The following C21orf91 variants were observed in gnomAD, a reference collection of about 807,000 sequenced individuals.
The protein encoded by C21orf91 is chromosome 21 open reading frame 91, also known as protein EURL homolog.
C21orf91 carries 26 observed loss-of-function variants against 32.9 expected under a neutral mutation model. The ratio of observed to expected loss-of-function variants is 0.79; its 90% CI spans 0.58 to 1.10. The LOEUF (loss-of-function observed/expected upper bound fraction) is 1.10. Among genes scored for constraint, C21orf91 ranks in the 50% least tolerant of loss-of-function variants. C21orf91 has a pLI of 0.00. For missense variants in C21orf91, 310 were observed against 341.3 expected, an observed-to-expected ratio of 0.91 and a Z score of 0.72; for synonymous variants, 126 against 120.4, an observed-to-expected ratio of 1.05 and a Z score of -0.31.
In C21orf91 at chr21:17,793,235, G is replaced by T; in HGVS notation, c.*180C>A. The T allele has an allele frequency of 2.4e-6, 1 of 421,356 alleles. No individual in the cohort carries two copies. 26.1% of individuals were successfully genotyped at this position (421,356 alleles called of 1,614,324 possible). Reference sequence around the variant, plus strand: ...GTCCCCAAATGAGCCAAAATGATTAGCCCTAGAAGACTAGAGTATAATGAT... The same window carrying T: ...GTCCCCAAATGAGCCAAAATGATTATCCCTAGAAGACTAGAGTATAATGAT... On this transcript the variant is annotated 3_prime_UTR_variant, in exon 5 of 5. Transcript: ENST00000284881.
At chr21:17,795,505 C>T (rs995083884) in intron 3 of C21orf91, among the ~76,000 whole-genome samples, 1 of 152,196 alleles carries the variant, frequency 6.6e-6, no homozygotes, top group Non-Finnish European at 1.5e-5. Flanking sequence ...GACAGGGTCT[C>T]ACTTTGTCAC....
In C21orf91 at chr21:17,789,660, A is replaced by G. The variant is rs1044532114; in HGVS notation, c.*3755T>C. On this transcript the variant is annotated 3_prime_UTR_variant, in exon 5 of 5. Coordinates refer to ENST00000284881, the MANE Select transcript of C21orf91 (RefSeq NM_001100420.2). ...TCATATCAATGTTACCATAGCCAGA[A>G]GTTGCTTAATAGGTTAGACTGCACC... The G allele has an allele frequency of 2.0e-5, 3 of 152,166 alleles. No individual in the cohort carries two copies. Among genetic ancestry groups the G allele is most frequent in the African/African-American group, 7.2e-5 (3 of 41,450 alleles). 9.4% of individuals were successfully genotyped at this position (152,166 alleles called of 1,614,324 possible).
intron 3 of C21orf91, 67 bp downstream of exon 3, chr21:17,796,515 C>T (rs2062518998): frequency 8.5e-7 from 1 of 1,179,274 alleles, no homozygotes. Context: ...TGACCCATTA[C>T]ACATCTATAC....
At chr21:17,799,491 G>T (rs117934839) in intron 2 of C21orf91, among the ~76,000 whole-genome samples, 39 of 152,076 alleles carry the variant, frequency 2.6e-4, no homozygotes, top group Non-Finnish European at 4.9e-4. Context: ...TTCACTCCCC[G>T]CAATCCCAGA....
chr21:17,797,217 G>A lies in C21orf91; in HGVS notation c.128-99C>T, dbSNP rs572586117. The A allele has an allele frequency of 1.3e-5, 9 of 700,332 alleles. No individual in the cohort carries two copies. The Admixed American group carries it at 2.6e-4, about 20-fold the overall frequency. 43.4% of individuals were successfully genotyped at this position (700,332 alleles called of 1,614,324 possible). On this transcript the variant is annotated intron_variant, in intron 2 of 4. Coordinates refer to ENST00000284881, the MANE Select transcript of C21orf91 (RefSeq NM_001100420.2). The stretch of plus-strand genomic sequence containing the variant: ...CTTAGTAAAATCAGAGTCCCTGATA[G>A]TCTGTGAATTAGAGGAAAAATGCTA...
intron 2 of C21orf91, among the ~76,000 whole-genome samples, chr21:17,813,271 G>A (rs755902267): frequency 1.1e-4 from 16 of 152,108 alleles, no homozygotes; most frequent in South Asian, 2.1e-4. Context: ...TGTTCCCTTC[G>A]AGTAATAAAC....
intron 2 of C21orf91, among the ~76,000 whole-genome samples, chr21:17,797,883 GAGTATA>G (rs1403521366): frequency 1.3e-5 from 2 of 151,776 alleles, no homozygotes; most frequent in African/African-American, 2.4e-5. Context: ...CAACTTAGTA[GAGTATA>G]AGTATGCTAC....
chr21:17,803,468 G>A (rs1006816681), intron 2 of C21orf91, among the ~76,000 whole-genome samples: 8 of 152,048 alleles, frequency 5.3e-5, no homozygotes, highest in East Asian at 1.9e-4. Flanking sequence ...CCACGACTGC[G>A]CCTCTACACT....
intron 2 of C21orf91, among the ~76,000 whole-genome samples, chr21:17,815,105 T>C (rs955314252): frequency 2.0e-5 from 3 of 150,216 alleles, no homozygotes; most frequent in Non-Finnish European, 4.4e-5. Context: ...TTCCTTCCTT[T>C]GTCTTCATTT....
intron 2 of C21orf91, among the ~76,000 whole-genome samples, chr21:17,803,870 A>G (rs556346177): frequency 1.8e-4 from 28 of 152,358 alleles, no homozygotes; most frequent in African/African-American, 6.5e-4. Context: ...CTGGATCCAC[A>G]CTACAGGTAA....
intron 2 of C21orf91, among the ~76,000 whole-genome samples, chr21:17,801,461 G>A (rs1303158373): frequency 3.3e-5 from 5 of 151,896 alleles, no homozygotes; most frequent in Admixed American, 1.3e-4. Flanking sequence ...TAGTAGAGAC[G>A]GGGTTTCACC....
chr21:17,808,251 G>C (rs1399521881), intron 2 of C21orf91, among the ~76,000 whole-genome samples: 2 of 152,264 alleles, frequency 1.3e-5, no homozygotes, highest in Admixed American at 1.3e-4. Context: ...CTGCTCCAGA[G>C]AGTGCAAGCT....
chr21:17,793,479 G>T lies in C21orf91; in HGVS notation c.830C>A (p.Ser277Tyr), dbSNP rs776282923. 1 of 1,613,578 alleles carries T rather than the reference G, an allele frequency of 6.2e-7. No homozygotes were observed. Among genetic ancestry groups the T allele is most frequent in the South Asian group, 1.1e-5 (1 of 91,020 alleles). The change falls in exon 5 of 5, where the codon TCT becomes TAT. Residue 277 changes from serine to tyrosine, a missense_variant. By Grantham distance (144) the Ser-to-Tyr change is moderately radical. Transcript: ENST00000284881. ...VAIEQLLKNC[S>Y]KLPCLQVGRT... is the part of the protein sequence containing the mutation. ...CCCTACTTGCAGACATGGTAACTTA[G>T]AACAGTTCTTCAGAAGCTGTTCGAT...
intron 2 of C21orf91, chr21:17,808,955 C>A (rs1373598177): frequency 2.0e-5 from 3 of 152,354 alleles, no homozygotes; most frequent in African/African-American, 7.2e-5. Flanking sequence ...AGTGACTTCT[C>A]ACAAGATATG....
chr21:17,807,555 G>C (rs2062605954), intron 2 of C21orf91, among the ~76,000 whole-genome samples: 1 of 152,216 alleles, frequency 6.6e-6, no homozygotes, highest in Non-Finnish European at 1.5e-5. Flanking sequence ...AGTTTGGAGG[G>C]CTCAGAAGAA....
At chr21:17,802,549 T>A (rs991046706) in intron 2 of C21orf91, among the ~76,000 whole-genome samples, 5 of 152,032 alleles carry the variant, frequency 3.3e-5, no homozygotes, top group Admixed American at 6.5e-5. Context: ...TAGGAACAAT[T>A]TTTTTTCGTA....
chr21:17,809,584 C>T (rs972045944), intron 2 of C21orf91, among the ~76,000 whole-genome samples: 1 of 152,154 alleles, frequency 6.6e-6, no homozygotes, highest in Non-Finnish European at 1.5e-5. Context: ...TTGTATAGCA[C>T]TTCAGAAACT....
chr21:17,793,705 C>G (rs139068151), intron 4 of C21orf91, 124 bp from the exon 5 acceptor site: 1 of 644,910 alleles, frequency 1.6e-6, no homozygotes, highest in Non-Finnish European at 2.7e-6. Flanking sequence ...TGATTTGATA[C>G]CAAGGAAACA....
At chr21:17,816,666 A>C (rs1424743374) in intron 2 of C21orf91, among the ~76,000 whole-genome samples, 2 of 152,246 alleles carry the variant, frequency 1.3e-5, no homozygotes, top group Admixed American at 1.3e-4. Flanking sequence ...AGAAAATGAC[A>C]GTAGTCATTC....
Sources: allele counts gnomAD v4.1 joint callset (sites outside exome capture counted in the v4.1 genomes callset), GRCh38; gene constraint gnomAD v4.1.1; transcripts MANE v1.5; gene names NCBI Gene and HGNC (gene_info 2026-07-23, HGNC 2026-07-21).